Variants in RTN4RL2 observed in about 807,000 individuals in gnomAD.
RTN4RL2 encodes the protein reticulon-4 receptor-like 2.
RTN4RL2 carries 9 observed loss-of-function variants against 27.8 expected under a neutral mutation model. The ratio of observed to expected loss-of-function variants is 0.32; its 90% confidence interval spans 0.20 to 0.57. The LOEUF is 0.57. Among genes scored for constraint, RTN4RL2 ranks in the 20% least tolerant of loss-of-function variants. RTN4RL2 has a pLI of 0.90. For missense variants in RTN4RL2, 436 were observed against 596.8 expected, an observed-to-expected ratio of 0.73 and a Z score of 2.81; for synonymous variants, 285 against 297.9, an observed-to-expected ratio of 0.96 and a Z score of 0.45.
intron 1 of RTN4RL2, among the ~76,000 whole-genome samples, chr11:57,465,892 C>T (rs2135117274): frequency 6.6e-6 from 1 of 150,688 alleles, no homozygotes; most frequent in South Asian, 2.1e-4. Flanking sequence ...TAGCTTATGC[C>T]TGAAATCCCA....
chr11:57,466,060 G>A (rs1943521941), intron 1 of RTN4RL2, among the ~76,000 whole-genome samples: 1 of 145,084 alleles, frequency 6.9e-6, no homozygotes, highest in Non-Finnish European at 1.5e-5. Context: ...GAGTGCAGTG[G>A]TGCGATCTCG....
At chr11:57,468,504 A>G (rs1251018072) in intron 2 of RTN4RL2, 2 of 1,442,938 alleles carry the variant, frequency 1.4e-6, no homozygotes, top group East Asian at 5.0e-5. Context: ...GCGTGTGTGT[A>G]TCTGTCTCTT....
intron 1 of RTN4RL2, among the ~76,000 whole-genome samples, chr11:57,466,247 C>G (rs1489977238): frequency 1.3e-5 from 2 of 151,984 alleles, no homozygotes; most frequent in Non-Finnish European, 2.9e-5. Context: ...CCTCGTGATC[C>G]ACCCGCCTCA....
chr11:57,467,340 A>G lies in RTN4RL2; in HGVS notation c.32-269A>G, dbSNP rs549478558. Reference sequence around the variant, plus strand: ...ATCCTCCTGCCTCAGCCTCCCAAGTAGTTGGGACTACAGGCACATGCCACC... The same window carrying G: ...ATCCTCCTGCCTCAGCCTCCCAAGTGGTTGGGACTACAGGCACATGCCACC... On this transcript the variant is annotated intron_variant, in intron 1 of 2. Coordinates refer to ENST00000335099, the MANE Select transcript of RTN4RL2 (RefSeq NM_178570.3). The surrounding 1 kb of genome is among the most constrained non-coding windows in gnomAD (Gnocchi z 5.5). Among the ~76,000 whole-genome samples the G allele has an allele frequency of 6.6e-6, 1 of 151,370 alleles. No individual in the cohort carries two copies. The highest frequency in any genetic ancestry group is 1.9e-4 in the East Asian group (1 of 5,142).
At chr11:57,472,959 T>A (rs75182191) in intron 2 of RTN4RL2, among the ~76,000 whole-genome samples, 23 of 152,340 alleles carry the variant, frequency 1.5e-4, no homozygotes, top group African/African-American at 5.3e-4. Flanking sequence ...GTCACTTCAC[T>A]TCTCTGAGGC....
chr11:57,464,171 T>C (rs1336917239), intron 1 of RTN4RL2, among the ~76,000 whole-genome samples: 2 of 151,630 alleles, frequency 1.3e-5, no homozygotes, highest in African/African-American at 2.4e-5. Flanking sequence ...GGGAACAAGA[T>C]GGAAGGAGAG....
rs1400293617 is a variant in RTN4RL2, at chr11:57,476,862, T to C, written c.1214T>C (p.Leu405Pro). The change falls in exon 3 of 3, where the codon CTC (leucine) becomes CCC (proline). Residue 405 changes from leucine (L) to proline (P), a missense_variant. Leu to Pro is a moderately conservative substitution (Grantham distance 98). Around this residue, in one of 3 missense-constraint regions of RTN4RL2, gnomAD observed 11 missense variants for 23.4 expected, o/e 0.47. Coordinates refer to ENST00000335099, the MANE Select transcript of RTN4RL2 (RefSeq NM_178570.3). This position sits in a 1 kb window ranked among gnomAD's most constrained non-coding sequence, Gnocchi z 8.2. ...CGAGGCCCTGCGCTCTCGGCCGGGC[T>C]CCCCAGCCCTCTGCTTTGCCTCCTG... The part of the protein sequence containing the change: ...DSRGPALSAG[L>P]PSPLLCLLLL... 9 of 1,573,552 alleles carry C rather than the reference T, an allele frequency of 5.7e-6. No individual in the cohort carries two copies. The African/African-American group carries it at 1.1e-4, about 19-fold the overall frequency.
intron 1 of RTN4RL2, among the ~76,000 whole-genome samples, chr11:57,461,492 G>A (rs1464856998): frequency 2.0e-5 from 3 of 151,700 alleles, no homozygotes; most frequent in Admixed American, 6.6e-5. Flanking sequence ...CTCAAAGATG[G>A]AGAAAGTGGT....
At chr11:57,471,226 A>G (rs1256231345) in intron 2 of RTN4RL2, among the ~76,000 whole-genome samples, 1 of 137,284 alleles carries the variant, frequency 7.3e-6, no homozygotes, top group Non-Finnish European at 1.5e-5. Context: ...ACAGAGCAAG[A>G]CTCTGTCTCA....
intron 1 of RTN4RL2, among the ~76,000 whole-genome samples, chr11:57,462,610 G>T (rs1230040553): frequency 6.6e-6 from 1 of 152,222 alleles, no homozygotes; most frequent in South Asian, 2.1e-4. Flanking sequence ...TTCTACAGGG[G>T]CCTCCGGCCC....
intron 2 of RTN4RL2, among the ~76,000 whole-genome samples, chr11:57,468,327 T>C (rs1256375057): frequency 6.6e-6 from 1 of 151,874 alleles, no homozygotes; most frequent in East Asian, 1.9e-4. Flanking sequence ...TCTCTCTCTC[T>C]CCCTCTAACT....
Position 57,476,371 on chromosome 11 carries a change from G to C in RTN4RL2, c.723G>C (p.Ser241=). 6.2e-7 allele frequency: 1 copy of C among 1,608,854 alleles called. No homozygotes were observed. The highest frequency in any genetic ancestry group is 8.5e-7 in the Non-Finnish European group (1 of 1,179,268). ...ACCTGTTCAACAACAGCCTGGCCTC[G>C]CTGCCCGGCGAGGCGCTCGCCGACC... ...ILYLFNNSLA[S]LPGEALADLP... Residue 241 remains serine, a synonymous_variant, in exon 3 of 3, where the codon TCG becomes TCC. Coordinates refer to ENST00000335099, the MANE Select transcript of RTN4RL2 (RefSeq NM_178570.3). This position sits in a 1 kb window ranked among gnomAD's most constrained non-coding sequence, Gnocchi z 8.2.
rs1943535191 is a variant in RTN4RL2, at chr11:57,467,570, G to A, written c.32-39G>A. ...GGCCCCCAGCTGGCACTCCTGCCCT[G>A]GAAGCCCACCTAGTAAGTTCTGCTT... On this transcript the variant is annotated intron_variant, in intron 1 of 2. Transcript: ENST00000335099. This position sits in a 1 kb window ranked among gnomAD's most constrained non-coding sequence, Gnocchi z 5.5. The A allele has an allele frequency of 6.4e-7, 1 of 1,561,660 alleles. No individual in the cohort carries two copies. Among genetic ancestry groups the A allele is most frequent in the African/African-American group, 1.4e-5 (1 of 73,720 alleles).
At chr11:57,475,208 A>T (rs1169157747) in intron 2 of RTN4RL2, among the ~76,000 whole-genome samples, 1 of 152,202 alleles carries the variant, frequency 6.6e-6, no homozygotes, top group East Asian at 1.9e-4. Context: ...GGTTATACAT[A>T]ATAAGGAATA....
At chr11:57,468,351 C>T (rs759215690) in intron 2 of RTN4RL2, among the ~76,000 whole-genome samples, 2 of 152,148 alleles carry the variant, frequency 1.3e-5, no homozygotes, top group Non-Finnish European at 2.9e-5. Context: ...CAACCTTCAC[C>T]TCTCTGCCTC....
At chr11:57,468,168 C>G in intron 2 of RTN4RL2, 78 bp downstream of exon 2, 1 of 1,459,018 alleles carries the variant, frequency 6.9e-7, no homozygotes, top group Non-Finnish European at 9.2e-7. Flanking sequence ...CCGACCCTGG[C>G]GTGCGTCCCT....
Position 57,467,835 on chromosome 11 carries a change from C to T in RTN4RL2, c.258C>T (p.Thr86=). The T allele has an allele frequency of 6.2e-7, 1 of 1,614,194 alleles. No individual in the cohort carries two copies. Among genetic ancestry groups the T allele is most frequent in the Admixed American group, 1.7e-5 (1 of 60,028 alleles). Residue 86 remains threonine (T), a synonymous_variant, in exon 2 of 3, where the codon ACC becomes ACT. Coordinates refer to ENST00000335099, the MANE Select transcript of RTN4RL2 (RefSeq NM_178570.3). This position sits in a 1 kb window ranked among gnomAD's most constrained non-coding sequence, Gnocchi z 5.5. ...RPGTFGSNLL[T]LWLFSNNLST... Reference sequence around the variant, plus strand: ...GCACCTTTGGGTCCAACCTGCTCACCCTGTGGCTCTTCTCCAACAACCTCT... The same window carrying T: ...GCACCTTTGGGTCCAACCTGCTCACTCTGTGGCTCTTCTCCAACAACCTCT...
chr11:57,472,727 G>A (rs1369395463), intron 2 of RTN4RL2, among the ~76,000 whole-genome samples: 1 of 152,152 alleles, frequency 6.6e-6, no homozygotes, highest in Non-Finnish European at 1.5e-5. Context: ...CCCAATGTCT[G>A]GTACAAAGTG....
intron 2 of RTN4RL2, among the ~76,000 whole-genome samples, chr11:57,472,904 T>TG (rs1417126456): frequency 6.6e-6 from 1 of 152,188 alleles, no homozygotes; most frequent in East Asian, 1.9e-4. Flanking sequence ...TCTCTGGAGT[T>TG]GGAAGCCACG....
Sources: gnomAD v4.1 joint callset for allele counts (sites outside exome capture counted in the v4.1 genomes callset) on GRCh38, gnomAD v4.1.1 for gene constraint, gnomAD v4.1.1 regional missense constraint, Gnocchi (gnomAD v3.1) non-coding constraint, MANE v1.5 for transcripts, NCBI Gene and HGNC (gene_info 2026-07-23, HGNC 2026-07-21) for gene names.